Variants in TATDN1 observed in about 807,000 individuals in gnomAD.
TATDN1 encodes deoxyribonuclease TATDN1.
TATDN1 carries 40 observed loss-of-function variants against 46.4 expected under a neutral mutation model. That is an observed-to-expected ratio of 0.86 (90% CI 0.67 to 1.12). TATDN1 has a LOEUF of 1.12. TATDN1 is among the 50% of genes most tolerant of loss of function. TATDN1 has a pLI of 0.00. For synonymous variants in TATDN1, 95 were observed against 105.6 expected (o/e 0.90, Z 0.62); for missense variants, 326 against 348.4 (o/e 0.94, Z 0.51).
intron 11 of TATDN1, among the ~76,000 whole-genome samples, chr8:124,492,863 C>T (rs1305810594): frequency 6.6e-6 from 1 of 151,414 alleles, no homozygotes; most frequent in African/African-American, 2.4e-5. Context: ...AGACAGGGGT[C>T]TCCCTATGTT....
chr8:124,493,450 TAAAAC>T (rs1817194832), intron 11 of TATDN1, among the ~76,000 whole-genome samples: 1 of 152,080 alleles, frequency 6.6e-6, no homozygotes, highest in Non-Finnish European at 1.5e-5. Context: ...TTTTAGGAAA[TAAAAC>T]GTGCTAAAGT....
At chr8:124,495,566 T>C (rs747553540) in intron 9 of TATDN1, 24 bp from the exon 10 acceptor site, 1 of 1,562,248 alleles carries the variant, frequency 6.4e-7, no homozygotes, top group South Asian at 1.2e-5. Context: ...GTATATTTAT[T>C]TTAAAAGGCA....
rs11542673 is a variant in TATDN1, at chr8:124,515,894, G to A, written c.339C>T (p.Cys113=). 0.071 allele frequency: 113,967 copies of A among 1,613,748 alleles called. 7,218 individuals are homozygous for A. Among genetic ancestry groups the A allele is most frequent in the South Asian group, 0.28 (25,094 of 91,004 alleles). Residue 113 remains cysteine, a synonymous_variant, in exon 5 of 12, where the codon TGC becomes TGT. Coordinates refer to ENST00000276692, the MANE Select transcript of TATDN1 (RefSeq NM_032026.4). The stretch of plus-strand genomic sequence containing the variant: ...GGCGAGGCTGGCACTCACCAAGTCC[G>A]CATTCTCCTATTGCCACAACTTTCC... ...NKGKVVAIGE[C]GLDFDRLQFC... is the part of the protein sequence containing the mutation.
At chr8:124,501,789 G>GC (rs1318158289) in intron 9 of TATDN1, among the ~76,000 whole-genome samples, 4 of 152,034 alleles carry the variant, frequency 2.6e-5, no homozygotes, top group Admixed American at 6.6e-5. Context: ...GTAAAGATGT[G>GC]CCCCCCACTG....
intron 9 of TATDN1, among the ~76,000 whole-genome samples, chr8:124,499,863 T>G (rs1817798791): frequency 6.8e-6 from 1 of 146,040 alleles, no homozygotes; most frequent in African/African-American, 2.6e-5. Flanking sequence ...TTTTTTTTTT[T>G]GAGACACAGT....
chr8:124,532,147 G>T (rs1821022229), intron 1 of TATDN1, among the ~76,000 whole-genome samples: 1 of 152,148 alleles, frequency 6.6e-6, no homozygotes, highest in African/African-American at 2.4e-5. Context: ...CCACATGCTG[G>T]GTGGCAGCTT....
chr8:124,504,165 C>A, intron 9 of TATDN1, 106 bp downstream of exon 9: 1 of 854,330 alleles, frequency 1.2e-6, no homozygotes, highest in Non-Finnish European at 1.8e-6. Flanking sequence ...AATGCAAACA[C>A]ACACAAACTT....
At chr8:124,499,897 T>G (rs1026171015) in intron 9 of TATDN1, among the ~76,000 whole-genome samples, 20 of 146,532 alleles carry the variant, frequency 1.4e-4, no homozygotes, top group African/African-American at 4.8e-4. Context: ...CAGGCTGGAG[T>G]GCAGTGGCAT....
chr8:124,525,899 A>G lies in TATDN1; in HGVS notation c.23-2897T>C, dbSNP rs1217623607. Reference sequence around the variant, plus strand: ...AATGTTCTTATCTATGTTAAGGGATAGTGAGAAACAAAAACCTTGGATCTG... The same window carrying G: ...AATGTTCTTATCTATGTTAAGGGATGGTGAGAAACAAAAACCTTGGATCTG... On this transcript the variant is annotated intron_variant, in intron 1 of 11. Transcript: ENST00000276692. 7.9e-5 allele frequency among the ~76,000 whole-genome samples: 12 copies of G among 152,386 alleles called. No individual in the cohort carries two copies. The East Asian group carries it at 1.9e-3, about 24-fold the overall frequency.
intron 9 of TATDN1, among the ~76,000 whole-genome samples, chr8:124,503,439 T>C (rs934797924): frequency 6.6e-6 from 1 of 152,186 alleles, no homozygotes; most frequent in Non-Finnish European, 1.5e-5. Context: ...CCCTTGCATA[T>C]TAATTAATTT....
Position 124,508,200 on chromosome 8 carries a change from A to G in TATDN1, c.516+274T>C, listed in dbSNP as rs1304039488. On this transcript the variant is annotated intron_variant, in intron 8 of 11. Coordinates refer to ENST00000276692, the MANE Select transcript of TATDN1 (RefSeq NM_032026.4). ...ATTTTGGAATATCTGCATATACATA[A>G]AAAGAAATCTTTGGGAAGGGACTCA... is the stretch of plus-strand genomic sequence containing the variant. Among the ~76,000 whole-genome samples, 15 of 152,342 alleles carry G rather than the reference A, an allele frequency of 9.8e-5. No individual in the cohort carries two copies. The South Asian group carries it at 2.5e-3, about 25-fold the overall frequency.
At chr8:124,488,859 G>A (rs1816650116) in intron 11 of TATDN1, 163 bp from the exon 12 acceptor site, 3 of 588,158 alleles carry the variant, frequency 5.1e-6, no homozygotes, top group Admixed American at 6.7e-5. Flanking sequence ...AAAACTTACT[G>A]CCAGTAACTG....
At chr8:124,496,650 A>G (rs1817491939) in intron 9 of TATDN1, among the ~76,000 whole-genome samples, 1 of 152,210 alleles carries the variant, frequency 6.6e-6, no homozygotes, top group Non-Finnish European at 1.5e-5. Flanking sequence ...TTCATGCTTG[A>G]TAGTTCATTT....
At chr8:124,516,152 A>G in intron 4 of TATDN1, 122 bp from the exon 5 acceptor site, 1 of 794,106 alleles carries the variant, frequency 1.3e-6, no homozygotes, top group Non-Finnish European at 1.8e-6. Context: ...TAAATTACTC[A>G]AATTATAAGA....
intron 11 of TATDN1, 89 bp downstream of exon 11, chr8:124,493,744 A>G: frequency 6.8e-7 from 1 of 1,471,782 alleles, no homozygotes. Context: ...GATTTTGCAA[A>G]ATTTTAATTC....
intron 1 of TATDN1, among the ~76,000 whole-genome samples, chr8:124,531,969 C>A (rs982591408): frequency 6.6e-6 from 1 of 152,068 alleles, no homozygotes; most frequent in Non-Finnish European, 1.5e-5. Flanking sequence ...GGATTGCAAG[C>A]GCAATTTTGT....
At position 124,504,278 on chromosome 8, in the gene TATDN1, T is replaced by G. The variant is rs558323685; in HGVS notation, c.586A>C (p.Asn196His). ...LIDLDLYIGF[N>H]GCSLKTEANL... Reference sequence around the variant, plus strand: ...AGCAACCTAAGAACGTACCAACCATTAAATCCTATATAAAGATCCAAGTCA... The same window carrying G: ...AGCAACCTAAGAACGTACCAACCATGAAATCCTATATAAAGATCCAAGTCA... The change falls in exon 9 of 12, where the codon AAT becomes CAT. Residue 196 changes from asparagine (N) to histidine (H), a missense_variant. Coordinates refer to ENST00000276692, the MANE Select transcript of TATDN1 (RefSeq NM_032026.4). 1 of 1,603,204 alleles carries G rather than the reference T, an allele frequency of 6.2e-7. No individual in the cohort carries two copies. The highest frequency in any genetic ancestry group is 1.3e-5 in the African/African-American group (1 of 74,578).
chr8:124,528,003 A>G (rs770183216), intron 1 of TATDN1, among the ~76,000 whole-genome samples: 13 of 152,124 alleles, frequency 8.5e-5, no homozygotes, highest in Non-Finnish European at 1.5e-4. Context: ...TATTATAAGT[A>G]ATTTAAATGT....
intron 10 of TATDN1, 72 bp from the exon 11 acceptor site, chr8:124,494,031 T>TATAACCTCTAAATG: frequency 1.4e-6 from 2 of 1,402,414 alleles, no homozygotes; most frequent in Non-Finnish European, 9.5e-7. Context: ...TTATCTAATA[T>TATAACCTCTAAATG]ATAACCTCTA....
Sources: gnomAD v4.1 joint callset for allele counts (sites outside exome capture counted in the v4.1 genomes callset) on GRCh38, gnomAD v4.1.1 for gene constraint, MANE v1.5 for transcripts, NCBI Gene and HGNC (gene_info 2026-07-23, HGNC 2026-07-21) for gene names.